Variants in CPT1A observed in about 807,000 individuals in gnomAD.
CPT1A encodes the protein carnitine O-palmitoyltransferase 1, liver isoform.
Under a neutral mutation model 100.8 loss-of-function variants are expected in CPT1A, and 64 were observed. The ratio of observed to expected loss-of-function variants is 0.63; its 90% CI spans 0.52 to 0.78. The LOEUF (loss-of-function observed/expected upper bound fraction) is 0.78. Among genes scored for constraint, CPT1A ranks in the 30% least tolerant of loss-of-function variants. The pLI, the probability that CPT1A is intolerant of heterozygous loss-of-function variation, is 0.00. For synonymous variants in CPT1A, 363 were observed against 396.0 expected, an observed-to-expected ratio of 0.92 and a Z score of 0.99; for missense variants, 802 against 1,034.1, an observed-to-expected ratio of 0.78 and a Z score of 3.08.
chr11:68,759,798 C>T, intron 17 of CPT1A, 137 bp from the exon 18 acceptor site: 1 of 725,194 alleles, frequency 1.4e-6, no homozygotes, highest in Admixed American at 2.0e-5. Flanking sequence ...GAGGCTGAGG[C>T]AGGCGGGTCA....
chr11:68,803,969 C>A, intron 5 of CPT1A, 31 bp downstream of exon 5: 6 of 1,522,642 alleles, frequency 3.9e-6, no homozygotes, highest in Non-Finnish European at 5.5e-6. Flanking sequence ...AGATGGCTGG[C>A]ATTTCAGTGT....
chr11:68,759,590 G>C lies in CPT1A; in HGVS notation c.2214C>G (p.Ser738=). 1 of 1,612,630 alleles carries C rather than the reference G, an allele frequency of 6.2e-7. No homozygotes were observed. Among genetic ancestry groups the C allele is most frequent in the Non-Finnish European group, 8.5e-7 (1 of 1,178,694 alleles). ...ATACCGTCTCAGGGCAAGAGAACTTGGAAGAAATGTGGAAATTGATGAGGT... is the reference window on the plus strand; with the variant it reads ...ATACCGTCTCAGGGCAAGAGAACTTCGAAGAAATGTGGAAATTGATGAGGT... ...GENLINFHIS[S]KFSCPETDSH... Residue 738 remains serine (S), a synonymous_variant, in exon 18 of 19, where the codon TCC becomes TCG. Transcript: ENST00000265641.
chr11:68,797,704 G>A (rs772075551), intron 6 of CPT1A, among the ~76,000 whole-genome samples: 4 of 152,098 alleles, frequency 2.6e-5, no homozygotes, highest in Non-Finnish European at 5.9e-5. Context: ...AAGGCCAGGA[G>A]CGGTGGCTCA....
At chr11:68,811,552 G>C (rs897735493) in intron 3 of CPT1A, among the ~76,000 whole-genome samples, 1 of 152,158 alleles carries the variant, frequency 6.6e-6, no homozygotes, top group Non-Finnish European at 1.5e-5. Flanking sequence ...GGCAGGGGGT[G>C]GGGGGACCTC....
intron 1 of CPT1A, among the ~76,000 whole-genome samples, chr11:68,821,823 C>T (rs1332651571): frequency 6.6e-6 from 1 of 152,056 alleles, no homozygotes; most frequent in African/African-American, 2.4e-5. Context: ...ATTCAGGCAC[C>T]CACCAGGGGT....
chr11:68,813,360 G>A (rs1273750085), intron 2 of CPT1A, among the ~76,000 whole-genome samples: 3 of 151,732 alleles, frequency 2.0e-5, no homozygotes, highest in Non-Finnish European at 2.9e-5. Flanking sequence ...GTGAAATCCT[G>A]TTTCTACTAA....
chr11:68,799,153 C>T (rs1397623873), intron 6 of CPT1A, 65 bp downstream of exon 6: 1 of 1,438,862 alleles, frequency 6.9e-7, no homozygotes, highest in Admixed American at 1.7e-5. Context: ...GTTATCCCTG[C>T]CCCTCAAAAT....
chr11:68,802,896 C>CA (rs901808584), intron 5 of CPT1A, among the ~76,000 whole-genome samples: 2,682 of 43,388 alleles, frequency 0.062, 62 homozygotes, highest in Non-Finnish European at 0.099. Context: ...GACCCTGTCT[C>CA]AAAAAAAAAA....
chr11:68,799,191 C>A (rs533608460), intron 6 of CPT1A, 27 bp downstream of exon 6: 2 of 889,564 alleles, frequency 2.2e-6, no homozygotes, highest in African/African-American at 2.0e-5. Context: ...AAAATTTCAT[C>A]AAGAAAAACT....
chr11:68,799,878 T>C (rs1025449295), intron 5 of CPT1A, among the ~76,000 whole-genome samples: 2 of 152,202 alleles, frequency 1.3e-5, no homozygotes, highest in Non-Finnish European at 2.9e-5. Context: ...AATTAAACTT[T>C]TTCTTCCTTT....
At chr11:68,793,745 CAA>C (rs1289830613) in intron 8 of CPT1A, among the ~76,000 whole-genome samples, 38 of 66,180 alleles carry the variant, frequency 5.7e-4, no homozygotes, top group African/African-American at 1.0e-3. Flanking sequence ...GACTCTGTCT[CAA>C]AAAAAAAAAA....
At chr11:68,785,206 C>A (rs1167708937) in intron 9 of CPT1A, among the ~76,000 whole-genome samples, 196 bp from the exon 10 acceptor site, 3 of 152,072 alleles carry the variant, frequency 2.0e-5, no homozygotes, top group Non-Finnish European at 4.4e-5. Flanking sequence ...ATCGGAGAGG[C>A]CTGACTTCTG....
At chr11:68,785,156 G>A (rs1855424170) in intron 9 of CPT1A, 146 bp from the exon 10 acceptor site, 2 of 724,344 alleles carry the variant, frequency 2.8e-6, no homozygotes, top group Non-Finnish European at 4.9e-6. Flanking sequence ...TCCTCAAGAC[G>A]TTTTAAATGA....
chr11:68,815,300 C>A (rs1256553855), intron 2 of CPT1A, 34 bp downstream of exon 2: 1 of 1,609,606 alleles, frequency 6.2e-7, no homozygotes. Context: ...TATTAAAAGG[C>A]ATACTGTGTA....
At chr11:68,835,937 A>T (rs574884794) in intron 1 of CPT1A, among the ~76,000 whole-genome samples, 1 of 152,264 alleles carries the variant, frequency 6.6e-6, no homozygotes, top group South Asian at 2.1e-4. Context: ...GACACCTGTT[A>T]GGTCTTTACT....
chr11:68,798,630 G>T (rs1316117648), intron 6 of CPT1A, among the ~76,000 whole-genome samples: 1 of 152,094 alleles, frequency 6.6e-6, no homozygotes, highest in Non-Finnish European at 1.5e-5. Context: ...CAACCCCAGG[G>T]AGGGGCGATC....
At chr11:68,778,537 T>C (rs1318711857) in intron 12 of CPT1A, among the ~76,000 whole-genome samples, 14 of 151,672 alleles carry the variant, frequency 9.2e-5, no homozygotes, top group Admixed American at 3.9e-4. Flanking sequence ...GGTTTATATA[T>C]ATATAAAAAT....
At chr11:68,762,509 A>T in intron 15 of CPT1A, 118 bp downstream of exon 15, 1 of 1,287,160 alleles carries the variant, frequency 7.8e-7, no homozygotes, top group Non-Finnish European at 1.1e-6. Context: ...TGAATTGAGC[A>T]CCCCTAAAGA....
rs1304355636 is a variant in CPT1A, at chr11:68,791,434, T to G, written c.967+1881A>C. Among the ~76,000 whole-genome samples, 3 of 152,334 alleles carry G rather than the reference T, an allele frequency of 2.0e-5. No homozygotes were observed. In the East Asian group the frequency reaches 5.8e-4, roughly 29 times the overall value. On this transcript the variant is annotated intron_variant, in intron 9 of 18. Coordinates refer to ENST00000265641, the MANE Select transcript of CPT1A (RefSeq NM_001876.4). ...CTGCTGTTGGCCAACACATCTGTTT[T>G]TCACATGTTGAGCTACAGTACAATG...
Sources: gnomAD v4.1 joint callset for allele counts (sites outside exome capture counted in the v4.1 genomes callset) on GRCh38, gnomAD v4.1.1 for gene constraint, MANE v1.5 for transcripts, NCBI Gene and HGNC (gene_info 2026-07-23, HGNC 2026-07-21) for gene names.